The following STOML2 variants were observed in gnomAD, a reference collection of about 807,000 sequenced individuals.
STOML2 encodes stomatin like 2.
A neutral mutation model predicts 45.7 loss-of-function variants in STOML2; 22 were observed. The ratio of observed to expected loss-of-function variants is 0.48; its 90% CI spans 0.34 to 0.69. STOML2 has a LOEUF of 0.69. STOML2 is among the 30% of genes least tolerant of loss of function. The probability of loss-of-function intolerance (pLI) is 0.01; values close to 1 mark genes in which losing one functional copy is unlikely to be tolerated. For synonymous variants in STOML2, 181 were observed against 182.7 expected (o/e 0.99, Z 0.08); for missense variants, 359 against 466.9 (o/e 0.77, Z 2.13).
intron 9 of STOML2, 97 bp downstream of exon 9, chr9:35,100,501 A>T: frequency 6.5e-7 from 1 of 1,541,496 alleles, no homozygotes; most frequent in Non-Finnish European, 8.9e-7. Context: ...AGGCACTCTG[A>T]AGACCTTTAT....
Position 35,102,089 on chromosome 9 carries a change from C to T in STOML2, c.283+6G>A. 6.2e-7 allele frequency: 1 copy of T among 1,613,940 alleles called. No homozygotes were observed. ...CAGAGCACCCATGTCACCCTGAACC[C>T]CTCACCGAGAGTCACAGCCGACTGC... On this transcript the variant is annotated splice_donor_region_variant and intron_variant, in intron 3 of 9. Coordinates refer to ENST00000356493, the MANE Select transcript of STOML2 (RefSeq NM_013442.3). This position sits in a 1 kb window ranked among gnomAD's most constrained non-coding sequence, Gnocchi z 4.8.
rs779018963 is a variant in STOML2 at position 35,101,145 on chromosome 9, A to G, written c.714T>C (p.Asn238=). ...ASEAEKAEQI[N]QAAGEASAVL... ...CTACCCTCTCCTGACCTGCTGCCTG[A>G]TTTATCTGTTCAGCCTTTTCTGCTT... Residue 238 remains asparagine (N), a synonymous_variant, in exon 7 of 10, where the codon AAT becomes AAC. Transcript: ENST00000356493. This position sits in a 1 kb window ranked among gnomAD's most constrained non-coding sequence, Gnocchi z 4.3. 1.2e-6 allele frequency: 2 copies of G among 1,614,084 alleles called. No homozygotes were observed. The highest frequency in any genetic ancestry group is 1.7e-6 in the Non-Finnish European group (2 of 1,180,036).
At position 35,099,988 on chromosome 9, in the gene STOML2, A is replaced by G. The variant is rs746569350; in HGVS notation, c.*47T>C. 8 of 1,582,966 alleles carry G rather than the reference A, an allele frequency of 5.1e-6. No homozygotes were observed. The highest frequency in any genetic ancestry group is 6.9e-6 in the Non-Finnish European group (8 of 1,159,286). On this transcript the variant is annotated 3_prime_UTR_variant, in exon 10 of 10. Coordinates refer to ENST00000356493, the MANE Select transcript of STOML2 (RefSeq NM_013442.3). ...CAGGGAAGCTAGAGCCAGAATCAGG[A>G]AAATCTGCTTCCTTGTTCCCAGACT...
chr9:35,101,371 C>A lies in STOML2; in HGVS notation c.579+55G>T. On this transcript the variant is annotated intron_variant, in intron 6 of 9. Transcript: ENST00000356493. The surrounding 1 kb of genome is among the most constrained non-coding windows in gnomAD (Gnocchi z 4.3). ...ATCATAACAGGAGGGAAGTCTGGATCCTCCTGGTACTGGAGCACCCTGAGG... is the reference window on the plus strand; with the variant it reads ...ATCATAACAGGAGGGAAGTCTGGATACTCCTGGTACTGGAGCACCCTGAGG... 6.4e-7 allele frequency: 1 copy of A among 1,572,378 alleles called. No homozygotes were observed. Among genetic ancestry groups the A allele is most frequent in the Non-Finnish European group, 8.6e-7 (1 of 1,159,186 alleles).
chr9:35,101,407 AC>A lies in STOML2; in HGVS notation c.579+18del, dbSNP rs759847025. ...TGGAGCACCCTGAGGCCCTTTTCCCACCCCTCCTTGGCCCCCACCTGCATCT... is the reference window on the plus strand; with the variant it reads ...TGGAGCACCCTGAGGCCCTTTTCCCACCCTCCTTGGCCCCCACCTGCATCT... On this transcript the variant is annotated intron_variant, in intron 6 of 9. Transcript: ENST00000356493. The surrounding 1 kb of genome is among the most constrained non-coding windows in gnomAD (Gnocchi z 4.3). 6.2e-7 allele frequency: 1 copy of A among 1,612,600 alleles called. No homozygotes were observed. The highest frequency in any genetic ancestry group is 8.5e-7 in the Non-Finnish European group (1 of 1,179,472).
chr9:35,100,775 A>AG (rs749079074), intron 8 of STOML2, 49 bp from the exon 9 acceptor site: 12 of 1,613,382 alleles, frequency 7.4e-6, no homozygotes, highest in Admixed American at 3.3e-5. Flanking sequence ...ACGGAGAAGA[A>AG]GGGGGGGATG....
At chr9:35,100,852 C>G in intron 8 of STOML2, 80 bp downstream of exon 8, 1 of 1,611,104 alleles carries the variant, frequency 6.2e-7, no homozygotes, top group Non-Finnish European at 8.5e-7. Context: ...CCCACAGAGG[C>G]GGAACTCTCC....
chr9:35,102,109 G>T lies in STOML2; in HGVS notation c.269C>A (p.Ser90Ter), dbSNP rs374236012. The T allele has an allele frequency of 6.2e-7, 1 of 1,613,844 alleles. No individual in the cohort carries two copies. The highest frequency in any genetic ancestry group is 1.1e-5 in the South Asian group (1 of 91,034). ...GAACCCCTCACCGAGAGTCACAGCC[G>T]ACTGCTCAGGCACGTTGATGACAAT... ...KEIVINVPEQSAVTLDNVTLQ... is the reference protein window; with the variant it reads ...KEIVINVPEQ Residue 90 changes from serine to a stop codon, truncating the protein, a stop_gained, in exon 3 of 10, where the codon TCG becomes TAG. Transcript: ENST00000356493. LOFTEE classifies it high-confidence loss of function. The surrounding 1 kb of genome is among the most constrained non-coding windows in gnomAD (Gnocchi z 4.8).
rs774958844 is a variant in STOML2, at chr9:35,101,403, T to G, written c.579+23A>C. The stretch of plus-strand genomic sequence containing the variant: ...GTACTGGAGCACCCTGAGGCCCTTT[T>G]CCCACCCCTCCTTGGCCCCCACCTG... On this transcript the variant is annotated intron_variant, in intron 6 of 9. Coordinates refer to ENST00000356493, the MANE Select transcript of STOML2 (RefSeq NM_013442.3). The surrounding 1 kb of genome is among the most constrained non-coding windows in gnomAD (Gnocchi z 4.3). 1 of 1,613,178 alleles carries G rather than the reference T, an allele frequency of 6.2e-7. No homozygotes were observed. Among genetic ancestry groups the G allele is most frequent in the African/African-American group, 1.3e-5 (1 of 75,004 alleles).
At position 35,101,484 on chromosome 9, in the gene STOML2, C is replaced by A; in HGVS notation, c.521G>T (p.Arg174Leu). The A allele has an allele frequency of 6.2e-7, 1 of 1,614,098 alleles. No homozygotes were observed. Among genetic ancestry groups the A allele is most frequent in the Non-Finnish European group, 8.5e-7 (1 of 1,180,024 alleles). Reference protein sequence around the residue: ...AADCWGIRCLRYEIKDIHVPP... With the variant: ...AADCWGIRCLLYEIKDIHVPP... ...CACATGGATATCCTTGATCTCATAA[C>A]GGAGGCAGCGGATACCCCAGCAGTC... is the stretch of plus-strand genomic sequence containing the variant. The change falls in exon 6 of 10, where the codon CGT becomes CTT. Residue 174 changes from arginine to leucine, a missense_variant. Transcript: ENST00000356493. This position sits in a 1 kb window ranked among gnomAD's most constrained non-coding sequence, Gnocchi z 4.3.
At position 35,102,474 on chromosome 9, in the gene STOML2, G is replaced by A. The variant is rs1829840573; in HGVS notation, c.183+212C>T. 3.8e-6 allele frequency: 3 copies of A among 785,330 alleles called. No homozygotes were observed. The highest frequency in any genetic ancestry group is 3.6e-5 in the South Asian group (2 of 56,184). The allele number at this position is 785,330 out of a possible 1,614,324, so 48.6% of individuals were successfully genotyped here. Reference sequence around the variant, plus strand: ...GACTGAGAGGTAGGGCTGAGAGTGGGCAGGGGAGATTCCCAAGAATGGGGC... The same window carrying A: ...GACTGAGAGGTAGGGCTGAGAGTGGACAGGGGAGATTCCCAAGAATGGGGC... On this transcript the variant is annotated intron_variant, in intron 2 of 9. Coordinates refer to ENST00000356493, the MANE Select transcript of STOML2 (RefSeq NM_013442.3). This position sits in a 1 kb window ranked among gnomAD's most constrained non-coding sequence, Gnocchi z 4.8.
intron 8 of STOML2, 69 bp downstream of exon 8, chr9:35,100,863 T>A: frequency 6.2e-7 from 1 of 1,612,774 alleles, no homozygotes; most frequent in Non-Finnish European, 8.5e-7. Flanking sequence ...GGAACTCTCC[T>A]CAAGCGTAGA....
At position 35,100,021 on chromosome 9, in the gene STOML2, C is replaced by G; in HGVS notation, c.*14G>C. 1 of 1,611,096 alleles carries G rather than the reference C, an allele frequency of 6.2e-7. No homozygotes were observed. The highest frequency in any genetic ancestry group is 8.5e-7 in the Non-Finnish European group (1 of 1,177,524). ...CTTCCTTGTTCCCAGACTCCCTGGCCAAGCCCAGCTCCACTAACTCATCTT... is the reference window on the plus strand; with the variant it reads ...CTTCCTTGTTCCCAGACTCCCTGGCGAAGCCCAGCTCCACTAACTCATCTT... On this transcript the variant is annotated 3_prime_UTR_variant, in exon 10 of 10. Coordinates refer to ENST00000356493, the MANE Select transcript of STOML2 (RefSeq NM_013442.3).
In STOML2 at chr9:35,102,144, ACT is replaced by A; in HGVS notation, c.232_233del (p.Leu79GlnfsTer9). 4 of 1,613,570 alleles carry A rather than the reference ACT, an allele frequency of 2.5e-6. No homozygotes were observed. Among genetic ancestry groups the A allele is most frequent in the African/African-American group, 1.3e-5 (1 of 74,798 alleles). On this transcript the variant is annotated frameshift_variant, in exon 3 of 10. Transcript: ENST00000356493. LOFTEE classifies it high-confidence loss of function. The surrounding 1 kb of genome is among the most constrained non-coding windows in gnomAD (Gnocchi z 4.8). ...GCACGTTGATGACAATTTCCTTGAG[ACT>A]CTGCACATATCGGATCCGGTCTAAC... ...PVLDRIRYVQ[S>X]LKEIVINVPE... is the part of the protein sequence containing the mutation.
In STOML2 at chr9:35,102,122, C is replaced by A; in HGVS notation, c.256G>T (p.Val86Leu). The A allele has an allele frequency of 6.2e-7, 1 of 1,613,944 alleles. No individual in the cohort carries two copies. The highest frequency in any genetic ancestry group is 8.5e-7 in the Non-Finnish European group (1 of 1,179,990). ...VQSLKEIVIN[V>L]PEQSAVTLDN... ...AGAGTCACAGCCGACTGCTCAGGCA[C>A]GTTGATGACAATTTCCTTGAGACTC... Residue 86 changes from valine to leucine, a missense_variant, in exon 3 of 10, where the codon GTG becomes TTG. This residue lies in a region of STOML2 where 285 missense variants were observed against 422.0 expected (regional missense o/e 0.68). Coordinates refer to ENST00000356493, the MANE Select transcript of STOML2 (RefSeq NM_013442.3). This position sits in a 1 kb window ranked among gnomAD's most constrained non-coding sequence, Gnocchi z 4.8.
In STOML2 at chr9:35,102,818, A is replaced by G. The variant is rs772635453; in HGVS notation, c.51T>C (p.Ser17=). 6.2e-7 allele frequency: 1 copy of G among 1,613,968 alleles called. No homozygotes were observed. Among genetic ancestry groups the G allele is most frequent in the East Asian group, 2.2e-5 (1 of 44,872 alleles). The change falls in exon 2 of 10, where the codon TCT becomes TCC. Residue 17 remains serine, a synonymous_variant. Transcript: ENST00000356493. This position sits in a 1 kb window ranked among gnomAD's most constrained non-coding sequence, Gnocchi z 4.8. ...RGTGALLLRG[S]LLASGRAPRR... ...GCGGAGCGCGGCCAGAAGCCAGTAG[A>G]GAGCCCTGAAGGAAAGAAGAGGGTG...
chr9:35,100,891 C>G (rs1829801964), intron 8 of STOML2, 41 bp downstream of exon 8: 1 of 1,613,796 alleles, frequency 6.2e-7, no homozygotes, highest in East Asian at 2.2e-5. Context: ...ACCCCTTCCA[C>G]TGTCAATTCC....
intron 9 of STOML2, among the ~76,000 whole-genome samples, 181 bp downstream of exon 9, chr9:35,100,417 A>G (rs1829791634): frequency 6.6e-6 from 1 of 152,186 alleles, no homozygotes; most frequent in Admixed American, 6.5e-5. Flanking sequence ...GAACTTCCAT[A>G]TTTGCAGGAC....
In STOML2 at chr9:35,102,285, G is replaced by T; in HGVS notation, c.184-91C>A. On this transcript the variant is annotated intron_variant, in intron 2 of 9. Coordinates refer to ENST00000356493, the MANE Select transcript of STOML2 (RefSeq NM_013442.3). The surrounding 1 kb of genome is among the most constrained non-coding windows in gnomAD (Gnocchi z 4.8). ...TGGAGTATGTAGGGAGTCAACACAT[G>T]GAACATGCCCAGAAAAGCAGCAGCT... The T allele has an allele frequency of 9.2e-7, 1 of 1,086,758 alleles. No individual in the cohort carries two copies. Among genetic ancestry groups the T allele is most frequent in the Non-Finnish European group, 1.4e-6 (1 of 737,088 alleles). 67.3% of individuals were successfully genotyped at this position (1,086,758 alleles called of 1,614,324 possible).
Sources: gnomAD v4.1 joint callset for allele counts (sites outside exome capture counted in the v4.1 genomes callset) on GRCh38, gnomAD v4.1.1 for gene constraint, gnomAD v4.1.1 regional missense constraint, Gnocchi (gnomAD v3.1) non-coding constraint, MANE v1.5 for transcripts, NCBI Gene and HGNC (gene_info 2026-07-23, HGNC 2026-07-21) for gene names.